The following DLGAP2 variants were observed in gnomAD, a reference collection of about 807,000 sequenced individuals.
The protein encoded by DLGAP2 is DLG associated protein 2, also known as disks large-associated protein 2.
DLGAP2 carries 26 observed loss-of-function variants against 100.3 expected under a neutral mutation model. The observed-to-expected ratio is 0.26, with a 90% CI of 0.19 to 0.36. The LOEUF (loss-of-function observed/expected upper bound fraction) is 0.36. DLGAP2 is among the 10% of genes least tolerant of loss of function. The pLI, the probability that DLGAP2 is intolerant of heterozygous loss-of-function variation, is 1.00. For missense variants in DLGAP2, 1,858 were observed against 1,453.2 expected, an observed-to-expected ratio of 1.28 and a Z score of -4.53; for synonymous variants, 886 against 630.1, an observed-to-expected ratio of 1.41 and a Z score of -6.08.
chr8:1,088,405 G>A (rs932145363), intron 2 of DLGAP2, among the ~76,000 whole-genome samples: 6 of 152,198 alleles, frequency 3.9e-5, no homozygotes, highest in Non-Finnish European at 7.4e-5. Flanking sequence ...CCTCATCTGC[G>A]TGCTGTTGGC....
chr8:1,371,141 C>T (rs1333220285), intron 3 of DLGAP2, among the ~76,000 whole-genome samples: 2 of 152,234 alleles, frequency 1.3e-5, no homozygotes, highest in African/African-American at 2.4e-5. Context: ...GTGTCAGCTC[C>T]TCGAGGAAGA....
intron 2 of DLGAP2, among the ~76,000 whole-genome samples, chr8:947,997 C>T (rs894658717): frequency 2.7e-5 from 4 of 147,430 alleles, no homozygotes; most frequent in East Asian, 2.0e-4. Context: ...TGCCAGCCCG[C>T]GTGTGCGCCA....
At chr8:1,114,009 G>A (rs1321941824) in intron 2 of DLGAP2, among the ~76,000 whole-genome samples, 1 of 152,184 alleles carries the variant, frequency 6.6e-6, no homozygotes, top group Non-Finnish European at 1.5e-5. Flanking sequence ...TGATTGATTT[G>A]TGTATGTTGA....
chr8:1,641,364 T>G (rs1183424866), intron 8 of DLGAP2, among the ~76,000 whole-genome samples: 1 of 152,154 alleles, frequency 6.6e-6, no homozygotes, highest in Non-Finnish European at 1.5e-5. Context: ...CGTTTTCAAG[T>G]AATTTGTGTC....
chr8:1,377,076 C>A (rs1236414996), intron 3 of DLGAP2, among the ~76,000 whole-genome samples: 1 of 152,224 alleles, frequency 6.6e-6, no homozygotes, highest in Non-Finnish European at 1.5e-5. Flanking sequence ...CAGTGAGATG[C>A]CTGCCACTTC....
intron 4 of DLGAP2, among the ~76,000 whole-genome samples, chr8:1,535,219 G>T (rs549231203): frequency 6.6e-6 from 1 of 152,224 alleles, no homozygotes; most frequent in Non-Finnish European, 1.5e-5. Flanking sequence ...GGGCTGGGCT[G>T]TAGCCCTGGT....
chr8:1,010,274 A>G (rs1281472012), intron 2 of DLGAP2, among the ~76,000 whole-genome samples: 4 of 149,512 alleles, frequency 2.7e-5, no homozygotes, highest in South Asian at 2.1e-4. Flanking sequence ...GCACACACAC[A>G]TTCTCACATA....
chr8:1,625,986 G>A (rs1473764642), intron 6 of DLGAP2, among the ~76,000 whole-genome samples: 1 of 151,420 alleles, frequency 6.6e-6, no homozygotes, highest in African/African-American at 2.4e-5. Context: ...TCAGCCTCTG[G>A]GTGTGGGTTG....
intron 2 of DLGAP2, among the ~76,000 whole-genome samples, chr8:1,232,683 C>T (rs1417455964): frequency 6.6e-6 from 1 of 152,222 alleles, no homozygotes; most frequent in Non-Finnish European, 1.5e-5. Flanking sequence ...GTAAAGTAGG[C>T]ACCCTCCCTC....
At chr8:1,171,111 C>A (rs185411369) in intron 2 of DLGAP2, among the ~76,000 whole-genome samples, 7,426 of 152,114 alleles carry the variant, frequency 0.049, 210 homozygotes, top group African/African-American at 0.077. Flanking sequence ...CAAAGAACAT[C>A]TTTATTTCTG....
chr8:1,560,279 C>T (rs1032700546), intron 5 of DLGAP2, among the ~76,000 whole-genome samples: 2 of 152,324 alleles, frequency 1.3e-5, no homozygotes, highest in Middle Eastern at 3.4e-3. Context: ...TTTTCCCCCT[C>T]ATGAGCATCT....
intron 2 of DLGAP2, among the ~76,000 whole-genome samples, chr8:1,021,893 A>ACGACCATCTCCACCCC (rs1383931459): frequency 6.6e-6 from 1 of 151,990 alleles, no homozygotes; most frequent in Non-Finnish European, 1.5e-5. Flanking sequence ...TGTTTGTTCC[A>ACGACCATCTCCACCCC]CGACCATCTC....
At chr8:811,924 A>T (rs1188427406) in intron 1 of DLGAP2, among the ~76,000 whole-genome samples, 1 of 152,238 alleles carries the variant, frequency 6.6e-6, no homozygotes, top group African/African-American at 2.4e-5. Context: ...ACTGTTAGGC[A>T]AGCGTGAATT....
At chr8:1,559,225 A>G (rs1468253485) in intron 5 of DLGAP2, among the ~76,000 whole-genome samples, 1 of 152,240 alleles carries the variant, frequency 6.6e-6, no homozygotes, top group Non-Finnish European at 1.5e-5. Flanking sequence ...AGGGACTGCA[A>G]ACTGGATTTG....
intron 4 of DLGAP2, among the ~76,000 whole-genome samples, chr8:1,505,563 T>C (rs1445119746): frequency 6.6e-6 from 1 of 152,208 alleles, no homozygotes; most frequent in Non-Finnish European, 1.5e-5. Flanking sequence ...GTGTAATGTA[T>C]GAAAAGTAAT....
At chr8:1,700,220 C>T (rs958305231) in intron 14 of DLGAP2, among the ~76,000 whole-genome samples, 1 of 152,202 alleles carries the variant, frequency 6.6e-6, no homozygotes, top group South Asian at 2.1e-4. Context: ...TTTTCAGAGG[C>T]TGAAGAGAAA....
chr8:1,665,424 ACGCTTGATATGT>A (rs907033145), intron 8 of DLGAP2, among the ~76,000 whole-genome samples: 1 of 152,152 alleles, frequency 6.6e-6, no homozygotes, highest in Non-Finnish European at 1.5e-5. Context: ...CATGGTTATG[ACGCTTGATATGT>A]GCCATCGTTC....
intron 1 of DLGAP2, among the ~76,000 whole-genome samples, chr8:890,862 A>G (rs1563081853): frequency 6.6e-6 from 1 of 151,366 alleles, no homozygotes. Flanking sequence ...GGGCATGACA[A>G]CCCTGTTGCA....
At position 1,694,754 on chromosome 8, in the gene DLGAP2, G is replaced by C. The variant is rs181148768; in HGVS notation, c.2797-2393G>C. Among the ~76,000 whole-genome samples, 530 of 152,296 alleles carry C rather than the reference G, an allele frequency of 3.5e-3. 7 individuals are homozygous for C. Among genetic ancestry groups the C allele is most frequent in the African/African-American group, 0.012 (505 of 41,560 alleles). On this transcript the variant is annotated intron_variant, in intron 13 of 14. Transcript: ENST00000637795. ...CCTATCCAATGGACGCCGGATGCCA[G>C]AGCCACAGAGCTGTGTGAATTTAAA...
Sources: gnomAD v4.1 joint callset for allele counts (sites outside exome capture counted in the v4.1 genomes callset) on GRCh38, gnomAD v4.1.1 for gene constraint, MANE v1.5 for transcripts, NCBI Gene and HGNC (gene_info 2026-07-23, HGNC 2026-07-21) for gene names.